Variants in ANK2 observed in about 807,000 individuals in gnomAD.
ANK2 encodes the protein ankyrin-2.
ANK2 carries 83 observed loss-of-function variants against 360.5 expected under a neutral mutation model. That is an observed-to-expected ratio of 0.23 (90% CI 0.19 to 0.28). The LOEUF is 0.28. Among genes scored for constraint, ANK2 ranks in the 10% least tolerant of loss-of-function variants. The probability of loss-of-function intolerance (pLI) is 1.00; values close to 1 mark genes in which losing one functional copy is unlikely to be tolerated. For missense variants in ANK2, 4,201 were observed against 4,795.7 expected, an observed-to-expected ratio of 0.88 and a Z score of 3.66; for synonymous variants, 1,740 against 1,759.5, an observed-to-expected ratio of 0.99 and a Z score of 0.28.
At chr4:112,875,887 G>C (rs965728765) in intron 1 of ANK2, among the ~76,000 whole-genome samples, 1 of 151,488 alleles carries the variant, frequency 6.6e-6, no homozygotes, top group Non-Finnish European at 1.5e-5. Context: ...GACCAGATGA[G>C]CGGATCACCC....
At chr4:112,904,811 T>C (rs1445056872) in intron 2 of ANK2, among the ~76,000 whole-genome samples, 1 of 152,090 alleles carries the variant, frequency 6.6e-6, no homozygotes, top group African/African-American at 2.4e-5. Flanking sequence ...CTGAATACAA[T>C]AGACATAATA....
intron 4 of ANK2, among the ~76,000 whole-genome samples, chr4:113,224,263 A>G (rs1441381523): frequency 1.3e-5 from 2 of 152,232 alleles, no homozygotes; most frequent in Non-Finnish European, 2.9e-5. Flanking sequence ...ACAGGTATAA[A>G]AAGGAATTTG....
chr4:113,166,483 A>C (rs902998237), intron 1 of ANK2, among the ~76,000 whole-genome samples: 2 of 152,044 alleles, frequency 1.3e-5, no homozygotes, highest in African/African-American at 2.4e-5. Context: ...GCACTTTCTA[A>C]AGTTTTAAAA....
intron 1 of ANK2, among the ~76,000 whole-genome samples, chr4:112,844,527 G>T (rs538951128): frequency 6.6e-6 from 1 of 152,278 alleles, no homozygotes; most frequent in African/African-American, 2.4e-5. Flanking sequence ...AGCAATGTCA[G>T]GTGTGTACTT....
chr4:112,886,395 TG>T (rs2078352681), intron 1 of ANK2, among the ~76,000 whole-genome samples: 1 of 152,084 alleles, frequency 6.6e-6, no homozygotes, highest in Admixed American at 6.6e-5. Flanking sequence ...GTGGGTGTGG[TG>T]GCTCACTCCT....
intron 1 of ANK2, among the ~76,000 whole-genome samples, chr4:113,083,269 T>C (rs917026283): frequency 6.6e-6 from 1 of 152,116 alleles, no homozygotes; most frequent in Non-Finnish European, 1.5e-5. Context: ...ACCTTGATCT[T>C]CTGGGCTCAA....
chr4:113,154,373 T>C (rs1033809504), intron 1 of ANK2, among the ~76,000 whole-genome samples: 5 of 152,198 alleles, frequency 3.3e-5, no homozygotes, highest in Admixed American at 3.3e-4. Context: ...TGTCCCCAAA[T>C]TTTTGAAAAG....
At chr4:113,107,653 A>C (rs553547322) in intron 1 of ANK2, among the ~76,000 whole-genome samples, 36 of 152,182 alleles carry the variant, frequency 2.4e-4, no homozygotes, top group Non-Finnish European at 5.1e-4. Context: ...CAGTCCATCC[A>C]TCTTGTTTTG....
At chr4:113,293,324 C>CTGTG (rs1563493899) in intron 21 of ANK2, 116 bp from the exon 22 acceptor site, 2 of 891,346 alleles carry the variant, frequency 2.2e-6, no homozygotes, top group Non-Finnish European at 3.6e-6. Context: ...TTTTCCTAAG[C>CTGTG]TGTGCCTTGT....
At chr4:112,810,296 C>T in the ANK2 span, among the ~76,000 whole-genome samples, 1 of 150,980 alleles carries the variant, frequency 6.6e-6, no homozygotes, top group Admixed American at 6.6e-5. Flanking sequence ...ACCACTGTGC[C>T]TGGCCAAATA....
At chr4:113,299,850 A>T (rs927631502) in intron 22 of ANK2, among the ~76,000 whole-genome samples, 4 of 152,022 alleles carry the variant, frequency 2.6e-5, no homozygotes, top group African/African-American at 9.7e-5. Context: ...CAATAAACCC[A>T]CCTAAGGAAC....
At chr4:113,101,667 GA>G (rs1012955853) in intron 1 of ANK2, among the ~76,000 whole-genome samples, 13 of 151,404 alleles carry the variant, frequency 8.6e-5, no homozygotes, top group East Asian at 1.9e-4. Flanking sequence ...TCTATGGAGA[GA>G]AAAAAAAATT....
chr4:113,214,406 G>C (rs1225243297), intron 4 of ANK2: 1 of 877,082 alleles, frequency 1.1e-6, no homozygotes, highest in Non-Finnish European at 1.8e-6. Context: ...TGGAGGCACG[G>C]ACCGGAGAGA....
the ANK2 span, among the ~76,000 whole-genome samples, chr4:112,790,484 C>CTTTTTT: frequency 2.3e-4 from 26 of 113,780 alleles, no homozygotes; most frequent in Non-Finnish European, 3.3e-4. Context: ...CTTTTCTTTT[C>CTTTTTT]TTTTTTTTTT....
rs373085967 is a variant in ANK2, at chr4:112,963,739, G to A, written c.21+59225G>A. On this transcript the variant is annotated intron_variant, in intron 2 of 30. Coordinates refer to the ANK2 transcript ENST00000503271. ...ATAATAATATTGATAAAATATAAAC[G>A]CTGAACCAAGTCTCTATAAAATGTA... Among the ~76,000 whole-genome samples, 21 of 151,968 alleles carry A rather than the reference G, an allele frequency of 1.4e-4. No homozygotes were observed. In the East Asian group the frequency reaches 2.1e-3, roughly 15 times the overall value.
intron 1 of ANK2, among the ~76,000 whole-genome samples, chr4:113,152,588 T>G (rs1285755664): frequency 6.6e-6 from 1 of 152,210 alleles, no homozygotes; most frequent in Admixed American, 6.5e-5. Flanking sequence ...TGTGGGCTTA[T>G]GTGACTATAG....
chr4:113,367,869 G>A lies in ANK2; in HGVS notation c.11318+18G>A, dbSNP rs2096591007. 1 of 1,613,844 alleles carries A rather than the reference G, an allele frequency of 6.2e-7. No homozygotes were observed. The highest frequency in any genetic ancestry group is 1.3e-5 in the African/African-American group (1 of 74,916). ...GAATATTTGTGAGTTTCCAAAGAAA[G>A]CCTGTCAAATGTAATACCAAAGAAA... On this transcript the variant is annotated intron_variant, in intron 42 of 45. Transcript: ENST00000357077.
At chr4:113,282,632 A>T in intron 17 of ANK2, 43 bp from the exon 18 acceptor site, 1 of 1,503,282 alleles carries the variant, frequency 6.7e-7, no homozygotes, top group Non-Finnish European at 9.1e-7. Context: ...AGCAATTGTT[A>T]ATCTTACTCT....
At chr4:113,225,025 T>C (rs2099199371) in intron 4 of ANK2, among the ~76,000 whole-genome samples, 1 of 152,082 alleles carries the variant, frequency 6.6e-6, no homozygotes, top group Non-Finnish European at 1.5e-5. Context: ...ATTCCCCAAG[T>C]GAAATATGTG....
Sources: allele counts gnomAD v4.1 joint callset (sites outside exome capture counted in the v4.1 genomes callset), GRCh38; gene constraint gnomAD v4.1.1; transcripts MANE v1.5; gene names NCBI Gene and HGNC (gene_info 2026-07-23, HGNC 2026-07-21).